Variants in PCDHA1 observed in about 807,000 individuals in gnomAD.
The protein encoded by PCDHA1 is protocadherin alpha-1.
PCDHA1 carries 42 observed loss-of-function variants against 61.3 expected under a neutral mutation model. The ratio of observed to expected loss-of-function variants is 0.69; its 90% CI spans 0.54 to 0.89. The LOEUF is 0.89. Ranked by LOEUF, PCDHA1 falls within the 40% of genes least tolerant of loss-of-function variation. The probability of loss-of-function intolerance (pLI) is 0.00; values close to 1 mark genes in which losing one functional copy is unlikely to be tolerated. For missense variants in PCDHA1, 1,256 were observed against 1,235.3 expected, an observed-to-expected ratio of 1.02 and a Z score of -0.25; for synonymous variants, 610 against 553.8, an observed-to-expected ratio of 1.10 and a Z score of -1.43.
At chr5:140,822,772 T>C in intron 1 of PCDHA1, 2 of 1,614,060 alleles carry the variant, frequency 1.2e-6, no homozygotes, top group Non-Finnish European at 1.7e-6. Flanking sequence ...ATCAGGACAC[T>C]GTAAAGTAGT....
chr5:140,823,314 C>T lies in PCDHA1; in HGVS notation c.2394+34630C>T, dbSNP rs1767654133. The T allele has an allele frequency of 3.1e-6, 5 of 1,612,084 alleles. No individual in the cohort carries two copies. The African/African-American group carries it at 5.3e-5, about 17-fold the overall frequency. ...GTTACGTTTCGGTGCACGCGGAGAG[C>T]GGCAAGGTGTACGCGCTGCAGCCGC... On this transcript the variant is annotated intron_variant, in intron 1 of 3. Transcript: ENST00000504120.
chr5:140,822,949 G>A (rs782104734), intron 1 of PCDHA1: 3 of 1,614,228 alleles, frequency 1.9e-6, no homozygotes, highest in South Asian at 2.2e-5. Flanking sequence ...AATGCCCCAC[G>A]TTCCCTTCAA....
intron 1 of PCDHA1, chr5:140,877,349 T>C (rs1554169631): frequency 1.2e-6 from 2 of 1,613,984 alleles, no homozygotes; most frequent in Admixed American, 3.3e-5. Context: ...CACGTGGGGC[T>C]GTACACTGGC....
At chr5:140,943,139 T>A (rs2093424349) in intron 1 of PCDHA1, among the ~76,000 whole-genome samples, 2 of 151,168 alleles carry the variant, frequency 1.3e-5, no homozygotes, top group Admixed American at 6.6e-5. Context: ...GTGCCTGTAG[T>A]CCCAGCTACT....
At chr5:140,951,082 C>G (rs1563248212) in intron 1 of PCDHA1, among the ~76,000 whole-genome samples, 1 of 151,404 alleles carries the variant, frequency 6.6e-6, no homozygotes, top group African/African-American at 2.4e-5. Context: ...TTATATTTTC[C>G]TTTTTTTCTG....
At chr5:140,879,137 G>A (rs1313863348) in intron 1 of PCDHA1, among the ~76,000 whole-genome samples, 2 of 152,210 alleles carry the variant, frequency 1.3e-5, no homozygotes, top group Non-Finnish European at 2.9e-5. Context: ...GGGAGATTGT[G>A]AAGGCAGGAA....
At chr5:140,991,078 A>T (rs1378051907) in intron 3 of PCDHA1, among the ~76,000 whole-genome samples, 1 of 152,188 alleles carries the variant, frequency 6.6e-6, no homozygotes, top group Non-Finnish European at 1.5e-5. Context: ...TGTTTCAGAT[A>T]AAAAAATTAA....
At chr5:140,828,672 T>G in intron 1 of PCDHA1, 2 of 1,614,182 alleles carry the variant, frequency 1.2e-6, no homozygotes, top group South Asian at 2.2e-5. Context: ...CAAATTGGGC[T>G]CTTATTAAAG....
chr5:140,841,226 G>C (rs892482314), intron 1 of PCDHA1: 17 of 1,452,002 alleles, frequency 1.2e-5, no homozygotes, highest in African/African-American at 2.9e-5. Flanking sequence ...GCCGAACAAC[G>C]GGAGATGCAG....
At chr5:140,829,906 G>T (rs2150177512) in intron 1 of PCDHA1, 12 of 1,613,982 alleles carry the variant, frequency 7.4e-6, no homozygotes, top group African/African-American at 1.3e-5. Context: ...GCTACAACGC[G>T]TGGCTTTCGT....
intron 1 of PCDHA1, chr5:140,881,486 T>G: frequency 2.8e-6 from 1 of 355,652 alleles, no homozygotes; most frequent in African/African-American, 2.2e-5. Flanking sequence ...ATTATTGTGT[T>G]TATGCACATA....
In PCDHA1 at chr5:140,884,485, A is replaced by G. The variant is rs781880810; in HGVS notation, c.2395-94464A>G. 8 of 1,613,726 alleles carry G rather than the reference A, an allele frequency of 5.0e-6. No homozygotes were observed. The South Asian group carries it at 6.6e-5, about 13-fold the overall frequency. Reference sequence around the variant, plus strand: ...CGTGCGCGCCGGGCAAGCCCACTCTAGTGTGCTCCAGCGCGGCAGGGAGTT... The same window carrying G: ...CGTGCGCGCCGGGCAAGCCCACTCTGGTGTGCTCCAGCGCGGCAGGGAGTT... On this transcript the variant is annotated intron_variant, in intron 1 of 3. Transcript: ENST00000504120.
chr5:140,857,986 A>G (rs782102316), intron 1 of PCDHA1: 4 of 1,596,686 alleles, frequency 2.5e-6, no homozygotes, highest in East Asian at 2.2e-5. Flanking sequence ...GCCAGCGCCT[A>G]CTGGTGCTGG....
chr5:140,826,634 T>TTA (rs1768995547), intron 1 of PCDHA1, among the ~76,000 whole-genome samples: 4 of 152,118 alleles, frequency 2.6e-5, no homozygotes, highest in Admixed American at 2.6e-4. Flanking sequence ...GCCCTGACTT[T>TTA]TATATGAAGG....
intron 1 of PCDHA1, chr5:140,836,306 C>A: frequency 6.2e-7 from 1 of 1,613,706 alleles, no homozygotes; most frequent in Non-Finnish European, 8.5e-7. Flanking sequence ...ATGAGACGGA[C>A]GCACCGCGCC....
intron 1 of PCDHA1, among the ~76,000 whole-genome samples, chr5:140,826,676 T>A (rs1377282771): frequency 6.6e-6 from 1 of 152,118 alleles, no homozygotes; most frequent in Non-Finnish European, 1.5e-5. Context: ...GTAGACGTAA[T>A]TAAAAAAACC....
intron 1 of PCDHA1, chr5:140,808,096 T>C (rs1164204608): frequency 2.5e-6 from 4 of 1,613,848 alleles, no homozygotes; most frequent in Non-Finnish European, 3.4e-6. Flanking sequence ...GACAAATTAT[T>C]GTAAAGGGAT....
chr5:140,871,185 T>C (rs782235765), intron 1 of PCDHA1: 1 of 1,613,600 alleles, frequency 6.2e-7, no homozygotes, highest in Admixed American at 1.7e-5. Flanking sequence ...CGCTGGTGGA[T>C]GTCAACGTGT....
intron 1 of PCDHA1, among the ~76,000 whole-genome samples, chr5:140,879,144 G>A (rs1309421547): frequency 6.6e-6 from 1 of 152,168 alleles, no homozygotes; most frequent in Non-Finnish European, 1.5e-5. Context: ...TGTGAAGGCA[G>A]GAAAGCTATT....
Sources: allele counts gnomAD v4.1 joint callset (sites outside exome capture counted in the v4.1 genomes callset), GRCh38; gene constraint gnomAD v4.1.1; transcripts MANE v1.5; gene names NCBI Gene and HGNC (gene_info 2026-07-23, HGNC 2026-07-21).